CTNND2: variants seen among roughly 807,000 people sequenced by gnomAD.
CTNND2 encodes catenin delta-2.
Under a neutral mutation model 144.4 loss-of-function variants are expected in CTNND2, and 22 were observed. The observed-to-expected ratio is 0.15, with a 90% CI of 0.11 to 0.22. The LOEUF (loss-of-function observed/expected upper bound fraction) is 0.22. Ranked by LOEUF, CTNND2 falls within the 10% of genes least tolerant of loss-of-function variation. The pLI is 1.00. For missense variants in CTNND2, 1,353 were observed against 1,618.8 expected (o/e 0.84, Z 2.82); for synonymous variants, 751 against 695.6 (o/e 1.08, Z -1.25).
intron 2 of CTNND2, among the ~76,000 whole-genome samples, chr5:11,585,180 T>C (rs1459193244): frequency 1.3e-5 from 2 of 152,066 alleles, no homozygotes; most frequent in African/African-American, 2.4e-5. Context: ...CTGTCTGATA[T>C]CATATACCAT....
In CTNND2 at chr5:11,364,112, T is replaced by C. The variant is rs534963042; in HGVS notation, c.1372+584A>G. On this transcript the variant is annotated intron_variant, in intron 8 of 21. Coordinates refer to ENST00000304623, the MANE Select transcript of CTNND2 (RefSeq NM_001332.4). The stretch of plus-strand genomic sequence containing the variant: ...CGTTTTGTCGTGTGATCTGTGGTTG[T>C]ATTCAATTGAAAATATATATTTAAT... 7.2e-5 allele frequency among the ~76,000 whole-genome samples: 11 copies of C among 152,372 alleles called. No individual in the cohort carries two copies. The South Asian group carries it at 1.9e-3, about 26-fold the overall frequency.
At chr5:11,092,500 A>G (rs1045407149) in intron 15 of CTNND2, among the ~76,000 whole-genome samples, 1 of 152,178 alleles carries the variant, frequency 6.6e-6, no homozygotes, top group African/African-American at 2.4e-5. Flanking sequence ...TGCAGGGAAG[A>G]AATCACTGAG....
At chr5:11,598,989 A>G (rs1779653445) in intron 2 of CTNND2, among the ~76,000 whole-genome samples, 1 of 152,194 alleles carries the variant, frequency 6.6e-6, no homozygotes, top group South Asian at 2.1e-4. Flanking sequence ...CATGCCTTAC[A>G]TGGCAGCAGG....
At chr5:11,888,327 A>C (rs1736705830) in intron 1 of CTNND2, among the ~76,000 whole-genome samples, 1 of 152,186 alleles carries the variant, frequency 6.6e-6, no homozygotes, top group South Asian at 2.1e-4. Flanking sequence ...CGAAGATAAG[A>C]GTATTTCCCT....
At chr5:11,787,543 T>A (rs1352861397) in intron 1 of CTNND2, among the ~76,000 whole-genome samples, 4 of 152,250 alleles carry the variant, frequency 2.6e-5, no homozygotes, top group Non-Finnish European at 5.9e-5. Flanking sequence ...TTTGTAATGT[T>A]ACCTTTTTAT....
chr5:11,265,331 A>G (rs1449205268), intron 9 of CTNND2, among the ~76,000 whole-genome samples: 1 of 152,226 alleles, frequency 6.6e-6, no homozygotes, highest in Non-Finnish European at 1.5e-5. Context: ...CTTGATGTAC[A>G]TCTCAAAGTT....
intron 14 of CTNND2, 123 bp from the exon 15 acceptor site, chr5:11,098,871 T>A: frequency 1.2e-6 from 1 of 819,582 alleles, no homozygotes; most frequent in South Asian, 1.8e-5. Flanking sequence ...GAACATAGAC[T>A]GCACGGAGGC....
intron 10 of CTNND2, among the ~76,000 whole-genome samples, chr5:11,225,822 A>C (rs993712816): frequency 7.9e-5 from 12 of 152,222 alleles, no homozygotes; most frequent in African/African-American, 2.9e-4. Flanking sequence ...TGGGACCTAC[A>C]AACGTGACCT....
At position 11,146,317 on chromosome 5, in the gene CTNND2, T is replaced by A. The variant is rs1757239292; in HGVS notation, c.2159+13259A>T. Among the ~76,000 whole-genome samples, 3 of 152,104 alleles carry A rather than the reference T, an allele frequency of 2.0e-5. No individual in the cohort carries two copies. The South Asian group carries it at 6.2e-4, about 32-fold the overall frequency. The stretch of plus-strand genomic sequence containing the variant: ...GAGATGGCTACGGCTGCTCCAATTA[T>A]CTAGGGGAGGGGGCAGACTGGCTGC... On this transcript the variant is annotated intron_variant, in intron 12 of 21. Transcript: ENST00000304623.
chr5:11,411,718 T>C (rs1379943906), intron 4 of CTNND2, 66 bp from the exon 5 acceptor site: 8 of 981,916 alleles, frequency 8.1e-6, no homozygotes, highest in East Asian at 4.9e-5. Flanking sequence ...ATTTAGGTTA[T>C]CATTTAATCA....
intron 1 of CTNND2, among the ~76,000 whole-genome samples, chr5:11,835,467 G>A (rs1400096448): frequency 6.6e-6 from 1 of 152,016 alleles, no homozygotes; most frequent in African/African-American, 2.4e-5. Context: ...TTTTCTGGAA[G>A]GTTTTAAATT....
chr5:11,378,927 G>A (rs1005186463), intron 7 of CTNND2, among the ~76,000 whole-genome samples: 2 of 152,140 alleles, frequency 1.3e-5, no homozygotes, highest in African/African-American at 4.8e-5. Flanking sequence ...TTGACTGGGG[G>A]ACAAGTTAGA....
intron 1 of CTNND2, among the ~76,000 whole-genome samples, chr5:11,750,528 C>T (rs1048999712): frequency 6.6e-6 from 1 of 151,810 alleles, no homozygotes; most frequent in Non-Finnish European, 1.5e-5. Flanking sequence ...GGGATACCTA[C>T]AAAAGTTTCT....
At chr5:11,559,460 C>T (rs375825452) in intron 3 of CTNND2, among the ~76,000 whole-genome samples, 7 of 152,184 alleles carry the variant, frequency 4.6e-5, no homozygotes, top group Non-Finnish European at 4.4e-5. Context: ...GAATTTAGCA[C>T]GACGCTTTAA....
chr5:11,811,231 T>C (rs1396362864), intron 1 of CTNND2, among the ~76,000 whole-genome samples: 1 of 152,180 alleles, frequency 6.6e-6, no homozygotes, highest in African/African-American at 2.4e-5. Flanking sequence ...GCTCTTTCTA[T>C]AGCACCACCA....
chr5:11,856,413 C>T (rs1189894959), intron 1 of CTNND2, among the ~76,000 whole-genome samples: 1 of 152,054 alleles, frequency 6.6e-6, no homozygotes, highest in East Asian at 1.9e-4. Flanking sequence ...TTTTTCAGCA[C>T]AAAGTTGCTG....
chr5:11,420,397 T>C (rs921862585), intron 3 of CTNND2, among the ~76,000 whole-genome samples: 1 of 152,210 alleles, frequency 6.6e-6, no homozygotes, highest in African/African-American at 2.4e-5. Flanking sequence ...ATATTGATGA[T>C]GTCCATATGA....
chr5:11,344,550 T>C (rs1028895001), intron 9 of CTNND2, among the ~76,000 whole-genome samples: 2 of 152,202 alleles, frequency 1.3e-5, no homozygotes, highest in African/African-American at 4.8e-5. Flanking sequence ...GGTTCTAGAT[T>C]TGTTTTTTCT....
At chr5:11,696,550 C>A (rs1785147641) in intron 2 of CTNND2, among the ~76,000 whole-genome samples, 1 of 152,162 alleles carries the variant, frequency 6.6e-6, no homozygotes, top group African/African-American at 2.4e-5. Flanking sequence ...TATATCTGAT[C>A]AACAGCAGAT....
Sources: allele counts gnomAD v4.1 joint callset (sites outside exome capture counted in the v4.1 genomes callset), GRCh38; gene constraint gnomAD v4.1.1; transcripts MANE v1.5; gene names NCBI Gene and HGNC (gene_info 2026-07-23, HGNC 2026-07-21).